The following PXYLP1 variants were observed in gnomAD, a reference collection of about 807,000 sequenced individuals.
The protein encoded by PXYLP1 is acid phosphatase-like 2.
In PXYLP1, 17 loss-of-function variants were observed where a neutral mutation model predicts 37.9. The ratio of observed to expected loss-of-function variants is 0.45; its 90% CI spans 0.31 to 0.67. The LOEUF (loss-of-function observed/expected upper bound fraction) is 0.67, where lower values mean the gene tolerates loss of function less well. PXYLP1 is among the 30% of genes least tolerant of loss of function. The pLI is 0.07. For synonymous variants in PXYLP1, 221 were observed against 232.2 expected, an observed-to-expected ratio of 0.95 and a Z score of 0.44; for missense variants, 511 against 612.0, an observed-to-expected ratio of 0.84 and a Z score of 1.74.
intron 2 of PXYLP1, 92 bp downstream of exon 2, chr3:141,260,346 G>A (rs1429578669): frequency 2.1e-5 from 29 of 1,386,880 alleles, no homozygotes; most frequent in Non-Finnish European, 2.8e-5. Context: ...AATGAATGAT[G>A]AGGCTGAAGA....
chr3:141,265,641 C>T (rs968715840), intron 2 of PXYLP1, among the ~76,000 whole-genome samples: 8 of 152,042 alleles, frequency 5.3e-5, no homozygotes, highest in African/African-American at 1.7e-4. Flanking sequence ...TGGGTGGTGT[C>T]GTGGGGCTAG....
At chr3:141,285,200 A>C (rs1942047436) in intron 4 of PXYLP1, among the ~76,000 whole-genome samples, 1 of 129,416 alleles carries the variant, frequency 7.7e-6, no homozygotes, top group Non-Finnish European at 1.5e-5. Flanking sequence ...AGGCTAGAGT[A>C]CAGTAGTACA....
intron 1 of PXYLP1, among the ~76,000 whole-genome samples, chr3:141,242,214 C>G (rs1158588126): frequency 6.6e-6 from 1 of 152,156 alleles, no homozygotes; most frequent in African/African-American, 2.4e-5. Context: ...CATACATGCC[C>G]TCGAGGACAC....
At chr3:141,245,672 G>T (rs1288105161) in intron 1 of PXYLP1, among the ~76,000 whole-genome samples, 4 of 152,252 alleles carry the variant, frequency 2.6e-5, no homozygotes, top group African/African-American at 9.6e-5. Flanking sequence ...AACACCTCCT[G>T]CAGAGAATTG....
intron 4 of PXYLP1, among the ~76,000 whole-genome samples, chr3:141,282,200 A>G (rs765749306): frequency 8.5e-5 from 13 of 152,134 alleles, no homozygotes; most frequent in Non-Finnish European, 1.8e-4. Flanking sequence ...CGCTTCAGCC[A>G]CAATGCTCCT....
chr3:141,237,540 C>T (rs148385766), intron 1 of PXYLP1, among the ~76,000 whole-genome samples: 27 of 152,276 alleles, frequency 1.8e-4, no homozygotes, highest in African/African-American at 6.0e-4. Context: ...ATAATAATAC[C>T]TACTTCATGG....
intron 2 of PXYLP1, among the ~76,000 whole-genome samples, chr3:141,277,022 G>A (rs1455670634): frequency 1.3e-5 from 2 of 152,140 alleles, no homozygotes; most frequent in African/African-American, 4.8e-5. Flanking sequence ...CGATTAGCCT[G>A]TTCATATCCT....
chr3:141,279,541 T>C (rs1466260242), intron 4 of PXYLP1, 37 bp downstream of exon 4: 2 of 1,612,928 alleles, frequency 1.2e-6, no homozygotes, highest in Admixed American at 1.7e-5. Context: ...TTTTCAAGTG[T>C]CTGTTATATC....
intron 1 of PXYLP1, among the ~76,000 whole-genome samples, chr3:141,257,904 CAAAAAAAAAA>C (rs59070598): frequency 6.3e-5 from 5 of 79,444 alleles, no homozygotes; most frequent in Non-Finnish European, 1.3e-4. Context: ...AACTCTGTCT[CAAAAAAAAAA>C]AAAAAAAAAA....
chr3:141,272,620 T>C (rs4384928), intron 2 of PXYLP1: 27,053 of 144,708 alleles, frequency 0.19, 3,371 homozygotes, highest in African/African-American at 0.38. Context: ...TTAACTCACA[T>C]GATCACAAGG....
chr3:141,273,166 G>T (rs887010287), intron 2 of PXYLP1: 5 of 985,340 alleles, frequency 5.1e-6, no homozygotes, highest in Non-Finnish European at 6.0e-6. Context: ...CCCGCAACTG[G>T]ATTGTAAACC....
At chr3:141,245,545 G>A (rs1022566079) in intron 1 of PXYLP1, among the ~76,000 whole-genome samples, 2 of 152,150 alleles carry the variant, frequency 1.3e-5, no homozygotes, top group Admixed American at 1.3e-4. Context: ...GTTGTTCAGG[G>A]TTGCTGGCCT....
intron 2 of PXYLP1, chr3:141,267,287 T>G (rs1941541685): frequency 6.6e-6 from 1 of 152,002 alleles, no homozygotes; most frequent in Non-Finnish European, 1.5e-5. Context: ...GGAAAAGATT[T>G]GGGGATGCAA....
chr3:141,237,193 T>C (rs1421346061), intron 1 of PXYLP1, among the ~76,000 whole-genome samples: 1 of 152,228 alleles, frequency 6.6e-6, no homozygotes, highest in African/African-American at 2.4e-5. Flanking sequence ...CATAGTTTTT[T>C]GAAAATTGTA....
At chr3:141,262,745 T>C in intron 2 of PXYLP1, 2 of 1,492,560 alleles carry the variant, frequency 1.3e-6, no homozygotes, top group Non-Finnish European at 1.8e-6. Flanking sequence ...CTTTGGAATT[T>C]CCCCATTTCT....
chr3:141,280,807 G>A (rs1408182759), intron 4 of PXYLP1, among the ~76,000 whole-genome samples: 1 of 152,130 alleles, frequency 6.6e-6, no homozygotes, highest in Non-Finnish European at 1.5e-5. Context: ...CCTGGAGCAT[G>A]CCCATTATTC....
At chr3:141,232,349 C>T (rs1488161458) in intron 1 of PXYLP1, 7 of 152,490 alleles carry the variant, frequency 4.6e-5, no homozygotes, top group East Asian at 1.9e-4. Flanking sequence ...CCCGCACGGC[C>T]CCCGCACTCC....
At chr3:141,233,391 G>A (rs1356489881) in intron 1 of PXYLP1, among the ~76,000 whole-genome samples, 2 of 151,532 alleles carry the variant, frequency 1.3e-5, no homozygotes, top group African/African-American at 4.9e-5. Context: ...CTTGCACCTG[G>A]GAGGCAGAGG....
intron 5 of PXYLP1, 120 bp downstream of exon 5, chr3:141,287,573 T>C: frequency 8.4e-7 from 1 of 1,196,220 alleles, no homozygotes; most frequent in Non-Finnish European, 1.1e-6. Flanking sequence ...AAGGACTGGC[T>C]CTGCAAGGAG....
Sources: gnomAD v4.1 joint callset for allele counts (sites outside exome capture counted in the v4.1 genomes callset) on GRCh38, gnomAD v4.1.1 for gene constraint, MANE v1.5 for transcripts, NCBI Gene and HGNC (gene_info 2026-07-23, HGNC 2026-07-21) for gene names.